The following SIRT5 variants were observed in gnomAD, a reference collection of about 807,000 sequenced individuals.
SIRT5 encodes sirtuin 5, also known as NAD-dependent protein deacylase sirtuin-5, mitochondrial.
Under a neutral mutation model 40.0 loss-of-function variants are expected in SIRT5, and 26 were observed. The ratio of observed to expected loss-of-function variants is 0.65; its 90% CI spans 0.48 to 0.90. The LOEUF is 0.90. Ranked by LOEUF, SIRT5 falls within the 40% of genes least tolerant of loss-of-function variation. The pLI, the probability that SIRT5 is intolerant of heterozygous loss-of-function variation, is 0.00. For synonymous variants in SIRT5, 146 were observed against 149.1 expected (o/e 0.98, Z 0.15); for missense variants, 401 against 402.4 (o/e 1.00, Z 0.03).
intron 9 of SIRT5, among the ~76,000 whole-genome samples, chr6:13,601,510 T>C (rs926681134): frequency 1.3e-5 from 2 of 152,232 alleles, no homozygotes; most frequent in Admixed American, 6.5e-5. Context: ...TCTGTCTTTT[T>C]TCTCACCCCA....
intron 2 of SIRT5, among the ~76,000 whole-genome samples, chr6:13,583,817 G>A (rs1339703457): frequency 6.6e-6 from 1 of 152,022 alleles, no homozygotes; most frequent in African/African-American, 2.4e-5. Context: ...TAGGGAACAC[G>A]CTTTGAGAAG....
chr6:13,591,828 G>T lies in SIRT5; in HGVS notation c.409G>T (p.Val137Phe). 2 of 1,614,144 alleles carry T rather than the reference G, an allele frequency of 1.2e-6. No individual in the cohort carries two copies. Among genetic ancestry groups the T allele is most frequent in the Non-Finnish European group, 1.7e-6 (2 of 1,180,002 alleles). The stretch of plus-strand genomic sequence containing the variant: ...GGGCAAGCAGGGCCGGCGAGTCGTG[G>T]TCATCACCCAGAACATCGATGAGCT... ...RLGKQGRRVV[V>F]ITQNIDELHR... Residue 137 changes from valine to phenylalanine, a missense_variant, in exon 5 of 10, where the codon GTC becomes TTC. Transcript: ENST00000606117.
chr6:13,578,090 A>G (rs530584252), intron 1 of SIRT5, among the ~76,000 whole-genome samples: 1 of 152,236 alleles, frequency 6.6e-6, no homozygotes, highest in South Asian at 2.1e-4. Flanking sequence ...CATTTTGTTA[A>G]TATGGTATAT....
intron 7 of SIRT5, among the ~76,000 whole-genome samples, chr6:13,598,502 C>T (rs1003992769): frequency 6.6e-6 from 1 of 152,092 alleles, no homozygotes; most frequent in Admixed American, 6.5e-5. Flanking sequence ...AACAATGTGT[C>T]AGCACATCAA....
intron 9 of SIRT5, chr6:13,605,313 T>G (rs202000848): frequency 1.2e-6 from 1 of 860,994 alleles, no homozygotes; most frequent in African/African-American, 1.8e-5. Flanking sequence ...AGGTGAATAG[T>G]TGCAACAGAG....
In SIRT5 at chr6:13,606,477, G is replaced by A. The variant is rs535167934; in HGVS notation, c.858-5313G>A. ...CACTGCTTTGAAGCGATAGTTGACC[G>A]TGTGTGTTAGGGAAGTCCAGCGCTC... On this transcript the variant is annotated intron_variant, in intron 9 of 9. Coordinates refer to ENST00000606117, the MANE Select transcript of SIRT5 (RefSeq NM_012241.5). Among the ~76,000 whole-genome samples, 118 of 152,226 alleles carry A rather than the reference G, an allele frequency of 7.8e-4. 1 individual carries two copies. Among genetic ancestry groups the A allele is most frequent in the Non-Finnish European group, 1.1e-3 (74 of 68,002 alleles).
chr6:13,595,289 G>C (rs569694873), intron 5 of SIRT5, among the ~76,000 whole-genome samples, 188 bp from the exon 6 acceptor site: 7 of 152,250 alleles, frequency 4.6e-5, no homozygotes, highest in South Asian at 4.1e-4. Context: ...TGGGAGGATC[G>C]CTTGAGCCCA....
intron 9 of SIRT5, among the ~76,000 whole-genome samples, chr6:13,606,352 C>A (rs1244023256): frequency 6.6e-6 from 1 of 152,124 alleles, no homozygotes; most frequent in Non-Finnish European, 1.5e-5. Context: ...GACACCCAAG[C>A]TACCTGCTGT....
chr6:13,593,258 G>A lies in SIRT5; in HGVS notation c.475+1364G>A, dbSNP rs1239093133. Among the ~76,000 whole-genome samples the A allele has an allele frequency of 2.0e-5, 3 of 152,246 alleles. No homozygotes were observed. In the East Asian group the frequency reaches 5.8e-4, roughly 29 times the overall value. On this transcript the variant is annotated intron_variant, in intron 5 of 9. Coordinates refer to ENST00000606117, the MANE Select transcript of SIRT5 (RefSeq NM_012241.5). ...CATTTCCAGAAGCAGTGCACCAGTC[G>A]GGGGTGTTTGTTTTTGCGTGTGTGT...
intron 8 of SIRT5, among the ~76,000 whole-genome samples, chr6:13,600,501 A>G (rs113697823): frequency 2.6e-5 from 4 of 152,364 alleles, no homozygotes; most frequent in African/African-American, 9.6e-5. Flanking sequence ...GATAGAAAAT[A>G]TGTTTTAAAA....
chr6:13,591,741 G>A lies in SIRT5; in HGVS notation c.322G>A (p.Val108Ile), dbSNP rs968801212. Residue 108 changes from valine to isoleucine, a missense_variant, in exon 5 of 10, where the codon GTC becomes ATC. Transcript: ENST00000606117. ...GGAGTTCTACCACTACCGGCGGGAG[G>A]TCATGGGGAGCAAGGAGCCCAACGC... Reference protein sequence around the residue: ...VWEFYHYRREVMGSKEPNAGH... With the variant: ...VWEFYHYRREIMGSKEPNAGH... 3.7e-6 allele frequency: 6 copies of A among 1,612,828 alleles called. No homozygotes were observed. In the South Asian group the frequency reaches 5.5e-5, roughly 15 times the overall value.
At chr6:13,575,082 G>C (rs1456243692) in intron 1 of SIRT5, among the ~76,000 whole-genome samples, 1 of 152,146 alleles carries the variant, frequency 6.6e-6, no homozygotes, top group Non-Finnish European at 1.5e-5. Context: ...CCCTGGGCAC[G>C]AGTAGTAGCC....
chr6:13,611,916 G>A lies in SIRT5; in HGVS notation c.*51G>A, dbSNP rs200320392. ...AGTATATCTAAGAACTAGGCCACAC[G>A]CAGAGGAGAAATGGTCTTATGGGTG... On this transcript the variant is annotated 3_prime_UTR_variant, in exon 10 of 10. Transcript: ENST00000606117. The A allele has an allele frequency of 1.2e-5, 19 of 1,558,562 alleles. No individual in the cohort carries two copies. Among genetic ancestry groups the A allele is most frequent in the Admixed American group, 3.3e-5 (2 of 59,772 alleles).
intron 4 of SIRT5, chr6:13,589,602 C>T (rs1345264202): frequency 6.6e-6 from 1 of 152,232 alleles, no homozygotes; most frequent in Non-Finnish European, 1.5e-5. Context: ...TGAAGCTGCC[C>T]CTTCCTTCTT....
At chr6:13,608,925 G>A (rs1035418855) in intron 9 of SIRT5, among the ~76,000 whole-genome samples, 2 of 151,826 alleles carry the variant, frequency 1.3e-5, no homozygotes, top group Non-Finnish European at 2.9e-5. Flanking sequence ...GGATTCAAGC[G>A]ATTCTTCTGC....
At chr6:13,611,205 GTGTATATATA>G (rs1444513940) in intron 9 of SIRT5, among the ~76,000 whole-genome samples, 15 of 107,048 alleles carry the variant, frequency 1.4e-4, no homozygotes, top group East Asian at 5.1e-4. Flanking sequence ...ATGTGTGTGT[GTGTATATATA>G]TATATATATA....
chr6:13,592,156 C>G (rs1761000467), intron 5 of SIRT5, among the ~76,000 whole-genome samples: 1 of 152,152 alleles, frequency 6.6e-6, no homozygotes, highest in Non-Finnish European at 1.5e-5. Flanking sequence ...GGTCTAAGAG[C>G]CAGCAACATT....
intron 9 of SIRT5, chr6:13,604,816 C>A (rs1288323969): frequency 9.0e-7 from 1 of 1,106,354 alleles, no homozygotes; most frequent in African/African-American, 1.7e-5. Flanking sequence ...AGCCAAAATT[C>A]TTCAGCTTCA....
At chr6:13,575,605 G>C (rs1365636481) in intron 1 of SIRT5, among the ~76,000 whole-genome samples, 1 of 151,826 alleles carries the variant, frequency 6.6e-6, no homozygotes, top group Non-Finnish European at 1.5e-5. Context: ...TTTGATATAT[G>C]TATACATTGT....
Sources: gnomAD v4.1 joint callset for allele counts (sites outside exome capture counted in the v4.1 genomes callset) on GRCh38, gnomAD v4.1.1 for gene constraint, MANE v1.5 for transcripts, NCBI Gene and HGNC (gene_info 2026-07-23, HGNC 2026-07-21) for gene names.